The following FAM13A variants were observed in gnomAD, a reference collection of about 807,000 sequenced individuals.
The protein encoded by FAM13A is family with sequence similarity 13 member A.
In FAM13A, 76 loss-of-function variants were observed where a neutral mutation model predicts 129.6. The observed-to-expected ratio is 0.59, with a 90% CI of 0.49 to 0.71. FAM13A has a LOEUF of 0.71. Ranked by LOEUF, FAM13A falls within the 30% of genes least tolerant of loss-of-function variation. The pLI is 0.00. For missense variants in FAM13A, 1,108 were observed against 1,249.3 expected, an observed-to-expected ratio of 0.89 and a Z score of 1.70; for synonymous variants, 443 against 449.9, an observed-to-expected ratio of 0.98 and a Z score of 0.20.
At chr4:88,866,621 T>C (rs1176362377) in intron 6 of FAM13A, among the ~76,000 whole-genome samples, 1 of 152,132 alleles carries the variant, frequency 6.6e-6, no homozygotes, top group Non-Finnish European at 1.5e-5. Context: ...CAAAAAAAAA[T>C]CCTCAATTCC....
intron 7 of FAM13A, among the ~76,000 whole-genome samples, chr4:88,810,468 G>A (rs1323117986): frequency 6.6e-6 from 1 of 152,088 alleles, no homozygotes; most frequent in African/African-American, 2.4e-5. Flanking sequence ...TTTGGACACA[G>A]AGACAGATAT....
intron 6 of FAM13A, among the ~76,000 whole-genome samples, chr4:88,889,273 T>A (rs1184886876): frequency 6.6e-6 from 1 of 152,168 alleles, no homozygotes; most frequent in Non-Finnish European, 1.5e-5. Context: ...TTATGCTGTC[T>A]GATTTGTATA....
intron 4 of FAM13A, among the ~76,000 whole-genome samples, chr4:88,989,360 G>T (rs574375050): frequency 6.6e-6 from 1 of 152,226 alleles, no homozygotes; most frequent in African/African-American, 2.4e-5. Context: ...CCAGCACTTA[G>T]GGAGGTCGCG....
intron 3 of FAM13A, among the ~76,000 whole-genome samples, chr4:88,994,293 CTCA>C (rs955172800): frequency 4.6e-5 from 7 of 152,156 alleles, no homozygotes; most frequent in Non-Finnish European, 8.8e-5. Context: ...GACATTTTGC[CTCA>C]TCTCTTTTCA....
chr4:88,973,059 A>G (rs1408612011), intron 4 of FAM13A, among the ~76,000 whole-genome samples: 1 of 151,940 alleles, frequency 6.6e-6, no homozygotes, highest in Non-Finnish European at 1.5e-5. Context: ...TCTATAGGTA[A>G]AGTGTTTTAT....
At chr4:88,994,592 C>A (rs942099055) in intron 3 of FAM13A, among the ~76,000 whole-genome samples, 1 of 152,110 alleles carries the variant, frequency 6.6e-6, no homozygotes, top group African/African-American at 2.4e-5. Flanking sequence ...GTAATTCCAG[C>A]ACTTTAGGAG....
At chr4:89,049,295 T>C (rs1392110713) in intron 1 of FAM13A, among the ~76,000 whole-genome samples, 2 of 151,992 alleles carry the variant, frequency 1.3e-5, no homozygotes, top group Non-Finnish European at 2.9e-5. Context: ...ACATTGAAAG[T>C]TAATGACCTT....
intron 7 of FAM13A, among the ~76,000 whole-genome samples, chr4:88,814,215 G>A (rs924420338): frequency 6.6e-6 from 1 of 152,178 alleles, no homozygotes; most frequent in African/African-American, 2.4e-5. Context: ...GTCAACGGCT[G>A]AGGTTCCAAT....
chr4:88,793,264 C>T (rs150160885), intron 8 of FAM13A, among the ~76,000 whole-genome samples: 307 of 152,088 alleles, frequency 2.0e-3, no homozygotes, highest in African/African-American at 6.5e-3. Flanking sequence ...TAAAAGTCAA[C>T]ACATCGAAAT....
intron 3 of FAM13A, among the ~76,000 whole-genome samples, chr4:88,998,402 C>A (rs781173726): frequency 6.6e-6 from 1 of 152,146 alleles, no homozygotes; most frequent in Admixed American, 6.6e-5. Context: ...TCATAACATA[C>A]AATTTGATCA....
chr4:88,807,096 C>T (rs965340202), intron 7 of FAM13A, among the ~76,000 whole-genome samples: 1 of 152,118 alleles, frequency 6.6e-6, no homozygotes, highest in African/African-American at 2.4e-5. Flanking sequence ...AGAACAGATC[C>T]TTTACTCTAA....
chr4:88,807,936 T>C (rs1256408756), intron 7 of FAM13A, among the ~76,000 whole-genome samples: 1 of 152,160 alleles, frequency 6.6e-6, no homozygotes, highest in East Asian at 1.9e-4. Context: ...GACCAGTTTT[T>C]GTTCTAAAAA....
intron 1 of FAM13A, among the ~76,000 whole-genome samples, chr4:89,046,265 A>C (rs1466550405): frequency 6.6e-6 from 1 of 152,160 alleles, no homozygotes; most frequent in Non-Finnish European, 1.5e-5. Flanking sequence ...ATAACCATGT[A>C]ATATGAAGAA....
At chr4:88,847,952 C>CCAA (rs35093174) in intron 7 of FAM13A, among the ~76,000 whole-genome samples, 10,208 of 136,932 alleles carry the variant, frequency 0.075, 490 homozygotes, top group African/African-American at 0.15. Flanking sequence ...GACTCTGTCC[C>CCAA]AAAAAAAAAA....
chr4:88,961,413 G>T (rs1470929209), intron 4 of FAM13A, among the ~76,000 whole-genome samples: 5 of 118,462 alleles, frequency 4.2e-5, no homozygotes, highest in Non-Finnish European at 6.4e-5. Context: ...TGTCATCCAG[G>T]CTGGAGTGCA....
At chr4:89,051,483 G>T (rs1368270136) in intron 1 of FAM13A, among the ~76,000 whole-genome samples, 3 of 152,094 alleles carry the variant, frequency 2.0e-5, no homozygotes, top group African/African-American at 7.2e-5. Context: ...TTCCACCTCT[G>T]TTCCTCCAAA....
chr4:88,900,415 C>A (rs1474438549), intron 6 of FAM13A, among the ~76,000 whole-genome samples: 1 of 151,948 alleles, frequency 6.6e-6, no homozygotes, highest in East Asian at 1.9e-4. Context: ...AGGTCACCTA[C>A]AAAGGGAAGC....
chr4:88,788,492 C>A (rs892576324), intron 9 of FAM13A, among the ~76,000 whole-genome samples: 14 of 152,126 alleles, frequency 9.2e-5, no homozygotes, highest in African/African-American at 3.4e-4. Flanking sequence ...CTTTCCTAAC[C>A]TCTATTCAAT....
chr4:88,906,324 CA>C, intron 6 of FAM13A, 54 bp downstream of exon 6: 1 of 1,189,534 alleles, frequency 8.4e-7, no homozygotes, highest in Non-Finnish European at 1.2e-6. Context: ...CAACAAAAAA[CA>C]AAGAACCATG....
Sources: gnomAD v4.1 joint callset for allele counts (sites outside exome capture counted in the v4.1 genomes callset) on GRCh38, gnomAD v4.1.1 for gene constraint, MANE v1.5 for transcripts, NCBI Gene and HGNC (gene_info 2026-07-23, HGNC 2026-07-21) for gene names.